The following DAB2IP variants were observed in gnomAD, a reference collection of about 807,000 sequenced individuals.
DAB2IP encodes the protein disabled homolog 2-interacting protein.
Under a neutral mutation model 107.2 loss-of-function variants are expected in DAB2IP, and 28 were observed. That is an observed-to-expected ratio of 0.26 (90% CI 0.19 to 0.36). The LOEUF (loss-of-function observed/expected upper bound fraction) is 0.36. Ranked by LOEUF, DAB2IP falls within the 10% of genes least tolerant of loss-of-function variation. The pLI is 1.00. For synonymous variants in DAB2IP, 755 were observed against 706.4 expected (o/e 1.07, Z -1.09); for missense variants, 1,400 against 1,644.7 (o/e 0.85, Z 2.57).
chr9:121,576,838 G>C (rs1248241654), intron 1 of DAB2IP, among the ~76,000 whole-genome samples: 1 of 152,150 alleles, frequency 6.6e-6, no homozygotes, highest in East Asian at 1.9e-4. Context: ...TAGAGAAGTT[G>C]GTGACGGTCA....
At chr9:121,570,701 C>A (rs1408816614) in intron 1 of DAB2IP, among the ~76,000 whole-genome samples, 1 of 151,940 alleles carries the variant, frequency 6.6e-6, no homozygotes, top group Non-Finnish European at 1.5e-5. Flanking sequence ...GCATGCACCA[C>A]CATGCCTGGC....
At chr9:121,746,914 T>A (rs890958084) in intron 3 of DAB2IP, among the ~76,000 whole-genome samples, 3 of 152,000 alleles carry the variant, frequency 2.0e-5, no homozygotes, top group African/African-American at 7.2e-5. Context: ...CCATGATGCA[T>A]GGGTGTGTTC....
chr9:121,574,098 T>C (rs1407295649), intron 1 of DAB2IP, among the ~76,000 whole-genome samples: 2 of 152,178 alleles, frequency 1.3e-5, no homozygotes, highest in Non-Finnish European at 2.9e-5. Context: ...CATGACTCCC[T>C]GGGCCTTCCT....
chr9:121,689,060 A>G (rs902657119), intron 2 of DAB2IP, among the ~76,000 whole-genome samples: 1 of 152,196 alleles, frequency 6.6e-6, no homozygotes, highest in Non-Finnish European at 1.5e-5. Context: ...TGGGAGGTTG[A>G]GGTGGGTGGA....
chr9:121,774,388 G>A, exon 13 of DAB2IP: 3 of 1,612,156 alleles, frequency 1.9e-6, no homozygotes, highest in Non-Finnish European at 2.5e-6. Context: ...TAAGGAGTAA[G>A]GACGAGCTCA....
chr9:121,762,384 A>T (rs1000379061), intron 6 of DAB2IP, among the ~76,000 whole-genome samples: 2 of 151,836 alleles, frequency 1.3e-5, no homozygotes, highest in African/African-American at 4.8e-5. Context: ...GGGGAGATGC[A>T]CCTCTGACCC....
At chr9:121,594,206 A>G (rs1487932926) in intron 1 of DAB2IP, among the ~76,000 whole-genome samples, 2 of 151,772 alleles carry the variant, frequency 1.3e-5, no homozygotes, top group Non-Finnish European at 2.9e-5. Context: ...CACAGCTGGC[A>G]AGTGGGTCAG....
At position 121,763,963 on chromosome 9, in the gene DAB2IP, C is replaced by T. The variant is rs1834078561; in HGVS notation, c.1460+84C>T. The stretch of plus-strand genomic sequence containing the variant: ...TCTGGCACCCGCAGTGTGCCTGATG[C>T]TGCCTGGCCCCTGAGTTGTACTGAC... On this transcript the variant is annotated intron_variant, in intron 8 of 15. Transcript: ENST00000408936. 3 of 1,557,258 alleles carry T rather than the reference C, an allele frequency of 1.9e-6. No homozygotes were observed. In the South Asian group the frequency reaches 3.6e-5, roughly 19 times the overall value.
chr9:121,700,676 T>TGACC (rs1829723976), intron 3 of DAB2IP, among the ~76,000 whole-genome samples: 1 of 152,210 alleles, frequency 6.6e-6, no homozygotes. Flanking sequence ...ACTGTTTAAC[T>TGACC]GACCCCTAGC....
chr9:121,698,843 T>TG lies in DAB2IP; in HGVS notation c.229-475dup, dbSNP rs967626140. Among the ~76,000 whole-genome samples the TG allele has an allele frequency of 2.0e-5, 3 of 149,286 alleles. No homozygotes were observed. The highest frequency in any genetic ancestry group is 2.2e-4 in the South Asian group (1 of 4,636). On this transcript the variant is annotated intron_variant, in intron 2 of 15. Transcript: ENST00000408936. This position sits in a 1 kb window ranked among gnomAD's most constrained non-coding sequence, Gnocchi z 4.1. ...GGCGCTTTGTCAATCCCCGACGGGG[T>TG]GGGGGGGCGTGGATTCCTCCAGGTG... is the stretch of plus-strand genomic sequence containing the variant.
chr9:121,752,047 C>G, intron 3 of DAB2IP: 1 of 984,946 alleles, frequency 1.0e-6, no homozygotes, highest in Non-Finnish European at 1.2e-6. Flanking sequence ...TTAGAAGGGT[C>G]TCGGCTGGGG....
rs1828775128 is a variant in DAB2IP, at chr9:121,684,713, G to A, written c.228+5932G>A. 6.6e-6 allele frequency among the ~76,000 whole-genome samples: 1 copy of A among 152,244 alleles called. No individual in the cohort carries two copies. Among genetic ancestry groups the A allele is most frequent in the Non-Finnish European group, 1.5e-5 (1 of 68,044 alleles). On this transcript the variant is annotated intron_variant, in intron 2 of 15. Coordinates refer to ENST00000408936, the Ensembl canonical transcript of DAB2IP. The surrounding 1 kb of genome is among the most constrained non-coding windows in gnomAD (Gnocchi z 4.0). ...TTTGTGCCCCTTCCAAGCTACGGAG[G>A]CTCCGGGTGGCTGTTGGGGTGGGGA...
intron 1 of DAB2IP, among the ~76,000 whole-genome samples, chr9:121,646,586 C>T (rs995451338): frequency 1.4e-5 from 2 of 146,330 alleles, no homozygotes; most frequent in African/African-American, 5.0e-5. Flanking sequence ...CGGATGTGTG[C>T]AGGCCTGCCT....
chr9:121,617,273 G>A (rs111961594), intron 1 of DAB2IP, among the ~76,000 whole-genome samples: 3 of 152,174 alleles, frequency 2.0e-5, no homozygotes, highest in African/African-American at 7.2e-5. Context: ...GCAGTGAGCC[G>A]AGATTGGGCC....
In DAB2IP at chr9:121,635,097, G is replaced by A. The variant is rs1250379693; in HGVS notation, c.41-43581G>A. The stretch of plus-strand genomic sequence containing the variant: ...ATGTGCGAAGGGGAAGCTTGGCAGA[G>A]GGTGGCTATGGAGTGGAGGGGGCTG... On this transcript the variant is annotated intron_variant, in intron 1 of 16. Coordinates refer to the DAB2IP transcript ENST00000259371. This position sits in a 1 kb window ranked among gnomAD's most constrained non-coding sequence, Gnocchi z 4.3. 1.3e-5 allele frequency among the ~76,000 whole-genome samples: 2 copies of A among 152,208 alleles called. No individual in the cohort carries two copies. The highest frequency in any genetic ancestry group is 2.4e-5 in the African/African-American group (1 of 41,452).
intron 1 of DAB2IP, among the ~76,000 whole-genome samples, chr9:121,613,271 T>C (rs1831156658): frequency 6.6e-6 from 1 of 152,234 alleles, no homozygotes; most frequent in African/African-American, 2.4e-5. Flanking sequence ...TGTTTTTAGC[T>C]TGGGACCCAC....
exon 8 of DAB2IP, chr9:121,763,850 G>A: frequency 1.9e-6 from 3 of 1,614,098 alleles, no homozygotes; most frequent in Non-Finnish European, 1.7e-6. Flanking sequence ...GCTGCGAGCT[G>A]GCCTTCTGCA....
In DAB2IP at chr9:121,699,916, G is replaced by A. The variant is rs984938872; in HGVS notation, c.362+458G>A. Among the ~76,000 whole-genome samples the A allele has an allele frequency of 1.3e-5, 2 of 152,228 alleles. No individual in the cohort carries two copies. Among genetic ancestry groups the A allele is most frequent in the Admixed American group, 6.5e-5 (1 of 15,290 alleles). Reference sequence around the variant, plus strand: ...GCCGAGACCGGGCGCTGCCCGTGGTGAGGGGAAGGGTGAACATCTGGAGGG... The same window carrying A: ...GCCGAGACCGGGCGCTGCCCGTGGTAAGGGGAAGGGTGAACATCTGGAGGG... On this transcript the variant is annotated intron_variant, in intron 3 of 15. Transcript: ENST00000408936. This position sits in a 1 kb window ranked among gnomAD's most constrained non-coding sequence, Gnocchi z 6.2.
chr9:121,642,232 C>G (rs886252713), intron 1 of DAB2IP, among the ~76,000 whole-genome samples: 1 of 151,062 alleles, frequency 6.6e-6, no homozygotes, highest in Non-Finnish European at 1.5e-5. Context: ...AGGCACACAC[C>G]ACCATGCCTG....
Sources: allele counts gnomAD v4.1 joint callset (sites outside exome capture counted in the v4.1 genomes callset), GRCh38; gene constraint gnomAD v4.1.1; non-coding constraint Gnocchi (gnomAD v3.1); transcripts MANE v1.5; gene names NCBI Gene and HGNC (gene_info 2026-07-23, HGNC 2026-07-21).